Variants in ASTN2 observed in about 807,000 individuals in gnomAD.
ASTN2 encodes astrotactin 2, also known as astrotactin-2.
Under a neutral mutation model 139.8 loss-of-function variants are expected in ASTN2, and 54 were observed. That is an observed-to-expected ratio of 0.39 (90% CI 0.31 to 0.48). The LOEUF (loss-of-function observed/expected upper bound fraction) is 0.48, where lower values mean the gene tolerates loss of function less well. ASTN2 is among the 20% of genes least tolerant of loss of function. The pLI, the probability that ASTN2 is intolerant of heterozygous loss-of-function variation, is 0.95. For missense variants in ASTN2, 1,565 were observed against 1,725.1 expected (o/e 0.91, Z 1.64); for synonymous variants, 756 against 719.5 (o/e 1.05, Z -0.81).
rs903706594 is a variant in ASTN2, at chr9:116,810,336, G to A, written c.2208-4516C>T. On this transcript the variant is annotated intron_variant, in intron 12 of 22. Coordinates refer to ENST00000313400, the MANE Select transcript of ASTN2 (RefSeq NM_001365068.1). ...AGGCACTATGCTGTAGAGGTTTATCGAAGTATGTTTTGGATCCAGACTAAC... is the reference window on the plus strand; with the variant it reads ...AGGCACTATGCTGTAGAGGTTTATCAAAGTATGTTTTGGATCCAGACTAAC... 7.9e-5 allele frequency among the ~76,000 whole-genome samples: 12 copies of A among 152,240 alleles called. No individual in the cohort carries two copies. The South Asian group carries it at 2.3e-3, about 29-fold the overall frequency.
chr9:117,069,451 G>T (rs1828047368), intron 5 of ASTN2, among the ~76,000 whole-genome samples: 1 of 99,326 alleles, frequency 1.0e-5, no homozygotes. Flanking sequence ...TTTTGGAATA[G>T]GTGTGGTGTG....
At chr9:116,790,974 A>AGAAG (rs1830523518) in intron 13 of ASTN2, among the ~76,000 whole-genome samples, 3 of 46,570 alleles carry the variant, frequency 6.4e-5, no homozygotes, top group African/African-American at 2.7e-4. Context: ...AAGGAAAGAA[A>AGAAG]GAAAGAAAGA....
chr9:117,108,783 T>C (rs1331196038), intron 4 of ASTN2, among the ~76,000 whole-genome samples: 4 of 152,114 alleles, frequency 2.6e-5, no homozygotes, highest in Non-Finnish European at 5.9e-5. Flanking sequence ...CTGTGGTATA[T>C]CCCTGATCTT....
At chr9:116,590,574 A>G (rs1012689097) in intron 19 of ASTN2, among the ~76,000 whole-genome samples, 4 of 152,202 alleles carry the variant, frequency 2.6e-5, no homozygotes, top group Admixed American at 6.5e-5. Context: ...CCTGTGTGGA[A>G]AGGGGCAGGT....
chr9:117,144,966 A>C (rs1279250769), intron 3 of ASTN2, among the ~76,000 whole-genome samples: 1 of 151,816 alleles, frequency 6.6e-6, no homozygotes, highest in Non-Finnish European at 1.5e-5. Context: ...TACAGGCATG[A>C]CCCACTACGC....
At chr9:117,271,115 A>G (rs546052788) in intron 2 of ASTN2, among the ~76,000 whole-genome samples, 22 of 152,328 alleles carry the variant, frequency 1.4e-4, no homozygotes, top group Admixed American at 9.2e-4. Flanking sequence ...TGCTGCTGAT[A>G]AAGACACACC....
intron 13 of ASTN2, among the ~76,000 whole-genome samples, chr9:116,736,505 A>G (rs1217962011): frequency 6.6e-6 from 1 of 152,122 alleles, no homozygotes; most frequent in Non-Finnish European, 1.5e-5. Flanking sequence ...GAAGGGCCAT[A>G]GTGCCTGGGC....
At chr9:117,011,653 G>C (rs1445834683) in intron 6 of ASTN2, among the ~76,000 whole-genome samples, 2 of 152,290 alleles carry the variant, frequency 1.3e-5, no homozygotes, top group East Asian at 3.9e-4. Context: ...ACTATCCTTT[G>C]AATGTCCTCT....
At chr9:116,706,893 TAATTGGCATTTAAGAACAAGA>T (rs1828002211) in intron 16 of ASTN2, among the ~76,000 whole-genome samples, 1 of 151,644 alleles carries the variant, frequency 6.6e-6, no homozygotes, top group East Asian at 2.0e-4. Context: ...GAATTTTTGA[TAATTGGCATTTAAGAACAAGA>T]ATAAAGTGGC....
At position 117,398,560 on chromosome 9, in the gene ASTN2, G is replaced by T. The variant is rs182281042; in HGVS notation, c.442+15937C>A. On this transcript the variant is annotated intron_variant, in intron 1 of 22. Transcript: ENST00000313400. The stretch of plus-strand genomic sequence containing the variant: ...ACAATTTTATCAATATCTCTGTGCC[G>T]CCTGCAAGAAACTTCAGAATGACCT... Among the ~76,000 whole-genome samples, 9 of 152,182 alleles carry T rather than the reference G, an allele frequency of 5.9e-5. No homozygotes were observed. The East Asian group carries it at 1.5e-3, about 26-fold the overall frequency.
At chr9:116,749,643 T>G (rs186695616) in intron 13 of ASTN2, among the ~76,000 whole-genome samples, 1 of 152,278 alleles carries the variant, frequency 6.6e-6, no homozygotes, top group Non-Finnish European at 1.5e-5. Context: ...ACTGATATGG[T>G]TTGGATGTTT....
chr9:116,996,769 C>A (rs187487120), intron 7 of ASTN2, among the ~76,000 whole-genome samples: 1 of 152,096 alleles, frequency 6.6e-6, no homozygotes, highest in Non-Finnish European at 1.5e-5. Flanking sequence ...TCATTATTAT[C>A]TTTTTTTCCA....
chr9:117,134,514 T>C (rs1829905804), intron 4 of ASTN2, among the ~76,000 whole-genome samples: 1 of 152,010 alleles, frequency 6.6e-6, no homozygotes, highest in South Asian at 2.1e-4. Flanking sequence ...GAGGATTTTG[T>C]GGCTTCCCAT....
chr9:116,955,913 A>G (rs1835692457), intron 10 of ASTN2, among the ~76,000 whole-genome samples: 1 of 152,160 alleles, frequency 6.6e-6, no homozygotes, highest in Non-Finnish European at 1.5e-5. Context: ...TGGAAAACTA[A>G]ACAAGAAACT....
chr9:116,495,142 T>C (rs1183757462), intron 19 of ASTN2, among the ~76,000 whole-genome samples: 5 of 152,170 alleles, frequency 3.3e-5, no homozygotes, highest in African/African-American at 1.2e-4. Context: ...AAAAAGGGAA[T>C]AGTGATCTAG....
chr9:117,058,984 C>T (rs1013284366), intron 5 of ASTN2, among the ~76,000 whole-genome samples: 1 of 152,110 alleles, frequency 6.6e-6, no homozygotes. Context: ...TGAGTTTGAT[C>T]TTAATTATGA....
chr9:116,510,372 G>A (rs189784773), intron 19 of ASTN2, among the ~76,000 whole-genome samples: 27 of 151,298 alleles, frequency 1.8e-4, no homozygotes, highest in Admixed American at 4.6e-4. Flanking sequence ...CTATATCTCT[G>A]GGTACAAGTA....
At chr9:117,180,556 C>A in intron 3 of ASTN2, 1 of 705,166 alleles carries the variant, frequency 1.4e-6, no homozygotes, top group Non-Finnish European at 2.4e-6. Context: ...TATTTCAGCA[C>A]ACTCACAGCA....
At chr9:116,816,025 C>T (rs1235846821) in intron 12 of ASTN2, among the ~76,000 whole-genome samples, 1 of 152,004 alleles carries the variant, frequency 6.6e-6, no homozygotes, top group African/African-American at 2.4e-5. Flanking sequence ...CTTTGGTTGC[C>T]AAGAAGCACA....
Sources: gnomAD v4.1 joint callset for allele counts (sites outside exome capture counted in the v4.1 genomes callset) on GRCh38, gnomAD v4.1.1 for gene constraint, MANE v1.5 for transcripts, NCBI Gene and HGNC (gene_info 2026-07-23, HGNC 2026-07-21) for gene names.